ELAVL2: variants seen among roughly 807,000 people sequenced by gnomAD.
The protein encoded by ELAVL2 is ELAV like RNA binding protein 2, also known as ELAV-like protein 2.
Under a neutral mutation model 34.6 loss-of-function variants are expected in ELAVL2, and 4 were observed. That is an observed-to-expected ratio of 0.12 (90% CI 0.06 to 0.26). ELAVL2 has a LOEUF of 0.26. Among genes scored for constraint, ELAVL2 ranks in the 10% least tolerant of loss-of-function variants. The pLI is 1.00. For missense variants in ELAVL2, 432 were observed against 442.8 expected (o/e 0.98, Z 0.22); for synonymous variants, 193 against 154.8 (o/e 1.25, Z -1.83).
intron 3 of ELAVL2, among the ~76,000 whole-genome samples, chr9:23,716,940 G>C (rs2042456522): frequency 6.6e-6 from 1 of 152,130 alleles, no homozygotes; most frequent in South Asian, 2.1e-4. Flanking sequence ...TTGAATGTCA[G>C]GGCAAAACTT....
In ELAVL2 at chr9:23,741,499, C is replaced by T. The variant is rs1047811177; in HGVS notation, c.230-10374G>A. ...TCACCCACATTCTTTTTCCTTCTTC[C>T]CTCCCCTCTCAACTCTTTATTCCTT... On this transcript the variant is annotated intron_variant, in intron 2 of 6. Transcript: ENST00000397312. 5.1e-4 allele frequency among the ~76,000 whole-genome samples: 77 copies of T among 151,974 alleles called. 1 individual carries two copies. The highest frequency in any genetic ancestry group is 1.7e-3 in the African/African-American group (69 of 41,408).
chr9:23,692,764 G>A lies in ELAVL2; in HGVS notation c.873C>T (p.Ile291=). 6.2e-7 allele frequency: 1 copy of A among 1,614,144 alleles called. No individual in the cohort carries two copies. Among genetic ancestry groups the A allele is most frequent in the Non-Finnish European group, 8.5e-7 (1 of 1,180,004 alleles). Residue 291 remains isoleucine (I), a synonymous_variant, in exon 7 of 7, where the codon ATC becomes ATT. Transcript: ENST00000397312. ...YNLAPDADES[I]LWQMFGPFGA... is the part of the protein sequence containing the mutation. ...CAAAAGGCCCAAACATTTGCCACAG[G>A]ATACTCTCATCTGCGTCAGGAGCCA...
chr9:23,698,597 G>A (rs541254244), intron 5 of ELAVL2, among the ~76,000 whole-genome samples: 1 of 152,200 alleles, frequency 6.6e-6, no homozygotes, highest in South Asian at 2.1e-4. Flanking sequence ...TCTGCTGAAA[G>A]GTGACAAAAA....
At chr9:23,738,139 C>T (rs975534845) in intron 2 of ELAVL2, among the ~76,000 whole-genome samples, 1 of 152,216 alleles carries the variant, frequency 6.6e-6, no homozygotes, top group Non-Finnish European at 1.5e-5. Flanking sequence ...CACTGCAACT[C>T]TGGCACCAAA....
chr9:23,826,536 T>C (rs1014904691), upstream of ELAVL2, among the ~76,000 whole-genome samples: 6 of 152,032 alleles, frequency 3.9e-5, no homozygotes, highest in South Asian at 1.0e-3. Context: ...TGCGGGGAGG[T>C]ACACTCTTAA....
At chr9:23,719,149 C>A (rs182264180) in intron 3 of ELAVL2, among the ~76,000 whole-genome samples, 2 of 152,274 alleles carry the variant, frequency 1.3e-5, no homozygotes, top group East Asian at 3.9e-4. Context: ...TGTTCTCCTG[C>A]TTCAGATCTC....
chr9:23,727,705 T>C (rs1219077731), intron 3 of ELAVL2, among the ~76,000 whole-genome samples: 1 of 152,076 alleles, frequency 6.6e-6, no homozygotes, highest in Non-Finnish European at 1.5e-5. Context: ...GGGATTAAGA[T>C]GCAACCAAAG....
At chr9:23,740,025 T>C (rs535479108) in intron 2 of ELAVL2, among the ~76,000 whole-genome samples, 2 of 152,218 alleles carry the variant, frequency 1.3e-5, no homozygotes, top group Non-Finnish European at 2.9e-5. Flanking sequence ...ACCAAGTCCA[T>C]GTGAAACAAA....
the ELAVL2 span, among the ~76,000 whole-genome samples, chr9:23,842,262 TC>T: frequency 6.6e-6 from 1 of 152,172 alleles, no homozygotes; most frequent in East Asian, 1.9e-4. Flanking sequence ...ATTTTTCTGT[TC>T]CCCTGAGTGA....
In ELAVL2 at chr9:23,784,709, G is replaced by A. The variant is rs1024834578; in HGVS notation, c.-15-22460C>T. ...GAAATGAAACCCAGAGGCTGGCTCA[G>A]TGTTTCTGAACTAGGTAGGTGCAGA... On this transcript the variant is annotated intron_variant, in intron 1 of 6. Coordinates refer to ENST00000397312, the MANE Select transcript of ELAVL2 (RefSeq NM_004432.5). Among the ~76,000 whole-genome samples, 4 of 152,210 alleles carry A rather than the reference G, an allele frequency of 2.6e-5. No homozygotes were observed. The South Asian group carries it at 8.3e-4, about 31-fold the overall frequency.
chr9:23,698,750 AG>A (rs377132544), intron 5 of ELAVL2, among the ~76,000 whole-genome samples: 13 of 152,320 alleles, frequency 8.5e-5, no homozygotes, highest in African/African-American at 2.9e-4. Context: ...TGAAAGAAGA[AG>A]GGGGAGTGGG....
At chr9:23,816,161 TAA>T (rs796598914) in intron 1 of ELAVL2, among the ~76,000 whole-genome samples, 16 of 152,044 alleles carry the variant, frequency 1.1e-4, no homozygotes, top group African/African-American at 3.4e-4. Context: ...TTCAAATGCT[TAA>T]AGAGATTCTA....
At chr9:23,702,966 A>AAAAAAAAAAAAAAC (rs2037887928) in intron 4 of ELAVL2, among the ~76,000 whole-genome samples, 1 of 143,014 alleles carries the variant, frequency 7.0e-6, no homozygotes. Flanking sequence ...AAAAAAAAAA[A>AAAAAAAAAAAAAAC]AAAAAAAAAA....
At chr9:23,772,796 G>A (rs1181997629) in intron 1 of ELAVL2, among the ~76,000 whole-genome samples, 1 of 152,048 alleles carries the variant, frequency 6.6e-6, no homozygotes, top group Non-Finnish European at 1.5e-5. Context: ...CTGTTGATGT[G>A]TAACGTCCTG....
At chr9:23,787,122 G>C (rs1387390413) in intron 1 of ELAVL2, among the ~76,000 whole-genome samples, 1 of 152,110 alleles carries the variant, frequency 6.6e-6, no homozygotes, top group Non-Finnish European at 1.5e-5. Context: ...ATTTGGAAAA[G>C]GAAGACAACA....
chr9:23,732,494 GTTTT>G (rs1406558627), intron 2 of ELAVL2, among the ~76,000 whole-genome samples: 2 of 152,138 alleles, frequency 1.3e-5, no homozygotes, highest in African/African-American at 4.8e-5. Flanking sequence ...TAAAATTGAG[GTTTT>G]ATTTTACAGT....
At chr9:23,722,357 C>A (rs919779154) in intron 3 of ELAVL2, among the ~76,000 whole-genome samples, 4 of 152,196 alleles carry the variant, frequency 2.6e-5, no homozygotes, top group Non-Finnish European at 5.9e-5. Flanking sequence ...TTTTACTGTT[C>A]ATTACAACTG....
At chr9:23,801,110 A>T (rs1482851964) in intron 1 of ELAVL2, among the ~76,000 whole-genome samples, 2 of 152,218 alleles carry the variant, frequency 1.3e-5, no homozygotes, top group Non-Finnish European at 2.9e-5. Context: ...TACCTAACAG[A>T]CACAGAAGCC....
At chr9:23,786,210 C>G (rs2059658841) in intron 1 of ELAVL2, among the ~76,000 whole-genome samples, 1 of 152,112 alleles carries the variant, frequency 6.6e-6, no homozygotes, top group African/African-American at 2.4e-5. Context: ...CATAGAAAAG[C>G]TGTTTAACAT....
Sources: allele counts gnomAD v4.1 joint callset (sites outside exome capture counted in the v4.1 genomes callset), GRCh38; gene constraint gnomAD v4.1.1; transcripts MANE v1.5; gene names NCBI Gene and HGNC (gene_info 2026-07-23, HGNC 2026-07-21).